METTL15: variants seen among roughly 807,000 people sequenced by gnomAD.
The protein encoded by METTL15 is 12S rRNA N(4)-cytidine methyltransferase METTL15.
In METTL15, 34 loss-of-function variants were observed where a neutral mutation model predicts 38.3. The ratio of observed to expected loss-of-function variants is 0.89; its 90% confidence interval spans 0.68 to 1.18. The LOEUF (loss-of-function observed/expected upper bound fraction) is 1.18, where lower values mean the gene tolerates loss of function less well. METTL15 is among the 50% of genes most tolerant of loss of function. METTL15 has a pLI of 0.00. For synonymous variants in METTL15, 162 were observed against 170.9 expected (o/e 0.95, Z 0.41); for missense variants, 438 against 498.4 (o/e 0.88, Z 1.15).
chr11:28,396,659 T>C (rs1024477159), intron 5 of METTL15, among the ~76,000 whole-genome samples: 1 of 152,144 alleles, frequency 6.6e-6, no homozygotes, highest in Non-Finnish European at 1.5e-5. Flanking sequence ...AAAATGGCCA[T>C]ACTGCCCAAG....
At chr11:28,316,147 C>G (rs7947259) in intron 6 of METTL15, among the ~76,000 whole-genome samples, 151,760 of 152,336 alleles carry the variant, frequency 1, 75,599 homozygotes, top group Non-Finnish European at 1. Context: ...ACCTTGAAAA[C>G]CCACAGATGC....
intron 4 of METTL15, chr11:28,352,304 G>T (rs1459016126): frequency 6.6e-6 from 1 of 152,116 alleles, no homozygotes; most frequent in Non-Finnish European, 1.5e-5. Flanking sequence ...AAACTTAATA[G>T]CTGACCTGTC....
intron 3 of METTL15, among the ~76,000 whole-genome samples, chr11:28,339,035 C>T (rs1390049921): frequency 6.6e-6 from 1 of 152,046 alleles, no homozygotes; most frequent in African/African-American, 2.4e-5. Context: ...TTGGGAAGTA[C>T]ATGTAAATTT....
intron 4 of METTL15, 125 bp from the exon 5 acceptor site, chr11:28,290,081 A>T: frequency 1.3e-6 from 1 of 785,468 alleles, no homozygotes; most frequent in Admixed American, 3.2e-5. Context: ...AACACTAAGC[A>T]CTCAATAAAT....
At chr11:28,320,110 T>C (rs1421762051) in intron 6 of METTL15, among the ~76,000 whole-genome samples, 1 of 152,042 alleles carries the variant, frequency 6.6e-6, no homozygotes, top group Non-Finnish European at 1.5e-5. Flanking sequence ...ACATTGTGGG[T>C]AATAAATTTT....
chr11:28,131,136 G>A (rs929541866), intron 3 of METTL15, among the ~76,000 whole-genome samples: 2 of 151,968 alleles, frequency 1.3e-5, no homozygotes, highest in African/African-American at 4.8e-5. Flanking sequence ...GCATTTCTAG[G>A]TTAGAGGAAA....
At chr11:28,442,503 G>A (rs1345465662) in intron 6 of METTL15, among the ~76,000 whole-genome samples, 3 of 151,994 alleles carry the variant, frequency 2.0e-5, no homozygotes, top group South Asian at 2.1e-4. Context: ...TGGAGAACAC[G>A]TATACACAGA....
intron 3 of METTL15, among the ~76,000 whole-genome samples, chr11:28,168,350 A>C (rs1850728904): frequency 6.6e-6 from 1 of 151,964 alleles, no homozygotes; most frequent in Admixed American, 6.6e-5. Context: ...AAAAAAAAAA[A>C]CCTATAAAGA....
At chr11:28,236,077 G>T (rs1231869614) in intron 4 of METTL15, among the ~76,000 whole-genome samples, 1 of 152,142 alleles carries the variant, frequency 6.6e-6, no homozygotes, top group African/African-American at 2.4e-5. Flanking sequence ...TGTGGTTTTT[G>T]TCTTTGGTTC....
chr11:28,144,398 C>T (rs995359683), intron 3 of METTL15, among the ~76,000 whole-genome samples: 5 of 152,092 alleles, frequency 3.3e-5, no homozygotes, highest in South Asian at 2.1e-4. Context: ...ATATAATATT[C>T]GCAGTCTTAG....
At chr11:28,308,059 G>A (rs1440506618) in intron 6 of METTL15, among the ~76,000 whole-genome samples, 1 of 151,970 alleles carries the variant, frequency 6.6e-6, no homozygotes, top group African/African-American at 2.4e-5. Context: ...TTAGTTGGGT[G>A]TAGAGTTGAT....
At chr11:28,348,265 T>C (rs1044828060) in intron 3 of METTL15, among the ~76,000 whole-genome samples, 12 of 152,254 alleles carry the variant, frequency 7.9e-5, no homozygotes, top group African/African-American at 2.9e-4. Flanking sequence ...GGTTAATTAT[T>C]ATGATTATTG....
intron 3 of METTL15, among the ~76,000 whole-genome samples, chr11:28,205,433 A>C (rs1852291252): frequency 6.6e-6 from 1 of 152,110 alleles, no homozygotes; most frequent in South Asian, 2.1e-4. Context: ...AAAGGACATG[A>C]ACTCATCTTT....
At chr11:28,487,999 C>T (rs775474518) in intron 6 of METTL15, among the ~76,000 whole-genome samples, 1 of 152,116 alleles carries the variant, frequency 6.6e-6, no homozygotes, top group Non-Finnish European at 1.5e-5. Context: ...AGAACTCTAG[C>T]TAGTGTCTAC....
intron 6 of METTL15, among the ~76,000 whole-genome samples, chr11:28,504,902 C>T (rs1013386171): frequency 6.6e-6 from 1 of 152,194 alleles, no homozygotes; most frequent in Non-Finnish European, 1.5e-5. Context: ...TCATTATTCA[C>T]TGGGGAGCCT....
chr11:28,196,690 A>G (rs2133812702), intron 3 of METTL15, among the ~76,000 whole-genome samples: 2 of 151,822 alleles, frequency 1.3e-5, no homozygotes, highest in East Asian at 3.9e-4. Flanking sequence ...TTTTTAAAGG[A>G]GAAGACTGAC....
At position 28,276,137 on chromosome 11, in the gene METTL15, A is replaced by T. The variant is rs1169549530; in HGVS notation, c.408-14069A>T. Among the ~76,000 whole-genome samples, 12 of 152,108 alleles carry T rather than the reference A, an allele frequency of 7.9e-5. 1 individual carries two copies. Among genetic ancestry groups the T allele is most frequent in the Admixed American group, 7.9e-4 (12 of 15,270 alleles). On this transcript the variant is annotated intron_variant, in intron 4 of 6. Coordinates refer to ENST00000407364, the MANE Select transcript of METTL15 (RefSeq NM_001113528.2). ...GAAAGAAATAAGTCATCCAAATGGG[A>T]AAAAAGGAAGTCAAATTATTCCTCT...
At chr11:28,334,472 C>T (rs892253201), downstream of METTL15, among the ~76,000 whole-genome samples, 4 of 151,886 alleles carry the variant, frequency 2.6e-5, no homozygotes, top group Non-Finnish European at 5.9e-5. Context: ...CTATAATAGA[C>T]AGGGATAAGC....
intron 6 of METTL15, among the ~76,000 whole-genome samples, chr11:28,439,701 G>C (rs1590375567): frequency 2.6e-5 from 4 of 152,282 alleles, no homozygotes; most frequent in Middle Eastern, 3.4e-3. Flanking sequence ...GCCCTGTTAA[G>C]TTTGATCTCT....
Sources: gnomAD v4.1 joint callset for allele counts (sites outside exome capture counted in the v4.1 genomes callset) on GRCh38, gnomAD v4.1.1 for gene constraint, MANE v1.5 for transcripts, NCBI Gene and HGNC (gene_info 2026-07-23, HGNC 2026-07-21) for gene names.